RPTOR: variants seen among roughly 807,000 people sequenced by gnomAD.
RPTOR encodes the protein regulatory associated protein of MTOR complex 1.
In RPTOR, 21 loss-of-function variants were observed where a neutral mutation model predicts 169.9. The observed-to-expected ratio is 0.12, with a 90% CI of 0.09 to 0.18. The LOEUF (loss-of-function observed/expected upper bound fraction) is 0.18. Among genes scored for constraint, RPTOR ranks in the 10% least tolerant of loss-of-function variants. The probability of loss-of-function intolerance (pLI) is 1.00; values close to 1 mark genes in which losing one functional copy is unlikely to be tolerated. For missense variants in RPTOR, 1,133 were observed against 1,855.9 expected, an observed-to-expected ratio of 0.61 and a Z score of 7.16; for synonymous variants, 732 against 753.2, an observed-to-expected ratio of 0.97 and a Z score of 0.46.
At chr17:80,791,914 CT>C (rs545802959) in intron 7 of RPTOR, among the ~76,000 whole-genome samples, 307 of 152,280 alleles carry the variant, frequency 2.0e-3, no homozygotes, top group South Asian at 8.1e-3. Flanking sequence ...CCCTCCCCCC[CT>C]GTCGCCATCC....
At chr17:80,569,529 AAATGAATG>A (rs756388573) in intron 1 of RPTOR, among the ~76,000 whole-genome samples, 1 of 152,192 alleles carries the variant, frequency 6.6e-6, no homozygotes, top group Non-Finnish European at 1.5e-5. Flanking sequence ...TGTCTCAAAA[AAATGAATG>A]AATGAATGAA....
At chr17:80,953,774 C>G (rs2069212696) in intron 28 of RPTOR, among the ~76,000 whole-genome samples, 1 of 152,240 alleles carries the variant, frequency 6.6e-6, no homozygotes, top group African/African-American at 2.4e-5. Context: ...TGCACAGCTG[C>G]AGCAGGAGCT....
intron 20 of RPTOR, among the ~76,000 whole-genome samples, chr17:80,900,170 G>A (rs932333260): frequency 2.6e-5 from 4 of 151,898 alleles, no homozygotes; most frequent in Non-Finnish European, 4.4e-5. Flanking sequence ...ACTCCTCTTT[G>A]TGCCCCAACA....
At chr17:80,581,290 T>TCTTC (rs965742479) in intron 1 of RPTOR, among the ~76,000 whole-genome samples, 1 of 152,262 alleles carries the variant, frequency 6.6e-6, no homozygotes, top group South Asian at 2.1e-4. Flanking sequence ...TTGCTTTCTT[T>TCTTC]CTTCCTTCCT....
intron 20 of RPTOR, among the ~76,000 whole-genome samples, chr17:80,896,400 G>GT: frequency 1.1e-4 from 2 of 18,588 alleles, no homozygotes; most frequent in Non-Finnish European, 3.8e-4. Flanking sequence ...GACACCCCAC[G>GT]GCCGCAGCAA....
chr17:80,812,864 G>A (rs1050069094), intron 7 of RPTOR, among the ~76,000 whole-genome samples: 2 of 152,250 alleles, frequency 1.3e-5, no homozygotes, highest in African/African-American at 4.8e-5. Context: ...TTGTGCACGT[G>A]ATTTGGAATC....
rs925462913 is a variant in RPTOR at position 80,861,929 on chromosome 17, A to G, written c.1509+4029A>G. 4.1e-4 allele frequency among the ~76,000 whole-genome samples: 62 copies of G among 152,128 alleles called. No individual in the cohort carries two copies. The highest frequency in any genetic ancestry group is 3.2e-3 in the Middle Eastern group (1 of 316). On this transcript the variant is annotated intron_variant, in intron 13 of 33. Transcript: ENST00000306801. This position sits in a 1 kb window ranked among gnomAD's most constrained non-coding sequence, Gnocchi z 4.5. ...CATCCACAGCCCATCATGGTATTGC[A>G]GTGCAGGGCGTCTTGTTTAAAACTG...
chr17:80,807,371 C>T (rs927989823), intron 7 of RPTOR, among the ~76,000 whole-genome samples: 18 of 151,934 alleles, frequency 1.2e-4, no homozygotes, highest in South Asian at 6.2e-4. Flanking sequence ...GCGGGGGGAA[C>T]GGAGTCTCAC....
chr17:80,656,896 G>C (rs10048177), intron 3 of RPTOR, among the ~76,000 whole-genome samples: 2 of 152,198 alleles, frequency 1.3e-5, no homozygotes, highest in African/African-American at 2.4e-5. Flanking sequence ...AGGGAGCCGC[G>C]GGGACACTGC....
chr17:80,602,713 C>T, intron 1 of RPTOR: 1 of 760,314 alleles, frequency 1.3e-6, no homozygotes, highest in Non-Finnish European at 2.4e-6. Flanking sequence ...TTGGCCCAGA[C>T]AGCTTTGTTG....
In RPTOR at chr17:80,942,912, C is replaced by T. The variant is rs369912917; in HGVS notation, c.3025+2311C>T. Among the ~76,000 whole-genome samples, 12 of 152,382 alleles carry T rather than the reference C, an allele frequency of 7.9e-5. 1 individual carries two copies. The highest frequency in any genetic ancestry group is 5.8e-4 in the East Asian group (3 of 5,190). On this transcript the variant is annotated intron_variant, in intron 25 of 33. Transcript: ENST00000306801. The stretch of plus-strand genomic sequence containing the variant: ...AGTGCTTAGAATTATGCCCAAACTC[C>T]GTCCAGAACTCCCTGCAGCTGGGAA...
rs2068314961 is a variant in RPTOR, at chr17:80,890,945, C to G, written c.1984-775C>G. ...ACGCGACTAGCAAGGGGTCCTCTCA[C>G]AGCGCTTGGCTTTCTGCTAAGAATC... On this transcript the variant is annotated intron_variant, in intron 17 of 33. Transcript: ENST00000306801. Among the ~76,000 whole-genome samples the G allele has an allele frequency of 2.6e-5, 4 of 151,860 alleles. No homozygotes were observed. The South Asian group carries it at 8.3e-4, about 31-fold the overall frequency.
At chr17:80,828,197 G>A (rs748184219) in intron 9 of RPTOR, among the ~76,000 whole-genome samples, 1 of 152,232 alleles carries the variant, frequency 6.6e-6, no homozygotes, top group Non-Finnish European at 1.5e-5. Context: ...GTGTCTGAAC[G>A]AGTCTGATCA....
intron 3 of RPTOR, among the ~76,000 whole-genome samples, chr17:80,665,615 G>A (rs56349113): frequency 0.052 from 7,742 of 150,196 alleles, 275 homozygotes; most frequent in Non-Finnish European, 0.077. Flanking sequence ...CGTGATCTCG[G>A]CTCACTGCAA....
At chr17:80,617,767 T>G (rs1194777749) in intron 1 of RPTOR, among the ~76,000 whole-genome samples, 8 of 152,160 alleles carry the variant, frequency 5.3e-5, no homozygotes, top group Non-Finnish European at 1.0e-4. Context: ...AAGAAATGGT[T>G]CCTAGCTCCT....
In RPTOR at chr17:80,788,291, G is replaced by A. The variant is rs553419782; in HGVS notation, c.831-3159G>A. Reference sequence around the variant, plus strand: ...AGTTCGAGACCAGCCTGACCAACATGGCAAAACCCCACATTTACTAAAAAT... The same window carrying A: ...AGTTCGAGACCAGCCTGACCAACATAGCAAAACCCCACATTTACTAAAAAT... On this transcript the variant is annotated intron_variant, in intron 6 of 33. Transcript: ENST00000306801. Among the ~76,000 whole-genome samples the A allele has an allele frequency of 4.7e-4, 71 of 152,150 alleles. 1 individual carries two copies. Among genetic ancestry groups the A allele is most frequent in the African/African-American group, 1.7e-3 (70 of 41,508 alleles).
intron 4 of RPTOR, among the ~76,000 whole-genome samples, chr17:80,719,549 T>C (rs2066267543): frequency 6.6e-6 from 1 of 152,206 alleles, no homozygotes; most frequent in Admixed American, 6.5e-5. Flanking sequence ...AGCCAGGAAC[T>C]GTGGTCTCAT....
At position 80,593,262 on chromosome 17, in the gene RPTOR, T is replaced by A. The variant is rs185870588; in HGVS notation, c.163-32429T>A. 3 of 154,940 alleles carry A rather than the reference T, an allele frequency of 1.9e-5. No individual in the cohort carries two copies. In the East Asian group the frequency reaches 5.8e-4, roughly 30 times the overall value. The allele number at this position is 154,940 out of a possible 1,614,324, so 9.6% of individuals were successfully genotyped here. A position where few individuals can be genotyped will look rare whatever the true frequency, so the allele number is the denominator to read the frequency against. On this transcript the variant is annotated intron_variant, in intron 1 of 33. Transcript: ENST00000306801. ...AAATTAGAATTTTAAAAAACCTGTG[T>A]CTTCCACGGTGAACTTGTCAGGTTA...
At chr17:80,919,387 C>T (rs1435170668) in intron 21 of RPTOR, among the ~76,000 whole-genome samples, 1 of 152,180 alleles carries the variant, frequency 6.6e-6, no homozygotes. Context: ...CACATGAATC[C>T]AGATCCTCGA....
Sources: gnomAD v4.1 joint callset for allele counts (sites outside exome capture counted in the v4.1 genomes callset) on GRCh38, gnomAD v4.1.1 for gene constraint, Gnocchi (gnomAD v3.1) non-coding constraint, MANE v1.5 for transcripts, NCBI Gene and HGNC (gene_info 2026-07-23, HGNC 2026-07-21) for gene names.